The following ARHGAP10 variants were observed in gnomAD, a reference collection of about 807,000 sequenced individuals.
The protein encoded by ARHGAP10 is Rho GTPase activating protein 10, also known as rho GTPase-activating protein 10.
Under a neutral mutation model 108.6 loss-of-function variants are expected in ARHGAP10, and 87 were observed. The ratio of observed to expected loss-of-function variants is 0.80; its 90% CI spans 0.67 to 0.96. The LOEUF (loss-of-function observed/expected upper bound fraction) is 0.96. Among genes scored for constraint, ARHGAP10 ranks in the 40% least tolerant of loss-of-function variants. The probability of loss-of-function intolerance (pLI) is 0.00; values close to 1 mark genes in which losing one functional copy is unlikely to be tolerated. For synonymous variants in ARHGAP10, 347 were observed against 341.1 expected (o/e 1.02, Z -0.19); for missense variants, 939 against 954.5 (o/e 0.98, Z 0.21).
chr4:147,818,500 A>G (rs1204830881), intron 1 of ARHGAP10, among the ~76,000 whole-genome samples: 3 of 146,026 alleles, frequency 2.1e-5, no homozygotes, highest in African/African-American at 7.6e-5. Context: ...CGGGAGGCGG[A>G]GTTTGCGGTG....
At chr4:148,054,764 A>G (rs190125132) in intron 20 of ARHGAP10, among the ~76,000 whole-genome samples, 2 of 152,328 alleles carry the variant, frequency 1.3e-5, no homozygotes, top group African/African-American at 2.4e-5. Context: ...CTGAGACCCA[A>G]CCACATTTAT....
intron 20 of ARHGAP10, among the ~76,000 whole-genome samples, chr4:148,048,201 C>G (rs1268580675): frequency 6.6e-6 from 1 of 152,236 alleles, no homozygotes; most frequent in African/African-American, 2.4e-5. Context: ...TCATCTGACC[C>G]TAGCTGGGCA....
chr4:147,865,212 G>A, intron 6 of ARHGAP10: 1 of 329,302 alleles, frequency 3.0e-6, no homozygotes, highest in Non-Finnish European at 5.6e-6. Flanking sequence ...GCAACCATGT[G>A]CAATTTCTGC....
At chr4:147,832,646 CAA>C (rs776184630) in intron 3 of ARHGAP10, among the ~76,000 whole-genome samples, 6 of 63,512 alleles carry the variant, frequency 9.4e-5, no homozygotes, top group South Asian at 9.9e-4. Context: ...GACTCTGTCT[CAA>C]AAAAAAAAAA....
chr4:147,805,621 T>G (rs1731751908), intron 1 of ARHGAP10, among the ~76,000 whole-genome samples: 1 of 152,206 alleles, frequency 6.6e-6, no homozygotes, highest in African/African-American at 2.4e-5. Context: ...TTTAAAAAAC[T>G]AGTTCTTAGA....
chr4:147,824,436 A>G (rs1732623937), intron 3 of ARHGAP10, among the ~76,000 whole-genome samples: 2 of 152,134 alleles, frequency 1.3e-5, no homozygotes. Context: ...ATAATACTGG[A>G]CATATTAGCT....
intron 1 of ARHGAP10, among the ~76,000 whole-genome samples, chr4:147,757,209 T>TG (rs2126700199): frequency 6.7e-6 from 1 of 149,810 alleles, no homozygotes; most frequent in African/African-American, 2.5e-5. Context: ...TTTTTTTTTT[T>TG]TTTGAGACAG....
intron 12 of ARHGAP10, among the ~76,000 whole-genome samples, chr4:147,912,130 C>T (rs956327879): frequency 2.0e-5 from 3 of 151,498 alleles, no homozygotes; most frequent in African/African-American, 7.3e-5. Context: ...ATTTGTATCA[C>T]TTTCTTTTTG....
At chr4:147,862,950 A>G (rs1170278913) in intron 5 of ARHGAP10, 1 of 152,192 alleles carries the variant, frequency 6.6e-6, no homozygotes, top group African/African-American at 2.4e-5. Flanking sequence ...GATTCAGATG[A>G]GTGTTAGGTA....
At chr4:147,883,897 G>C (rs1479018402) in intron 10 of ARHGAP10, among the ~76,000 whole-genome samples, 2 of 152,026 alleles carry the variant, frequency 1.3e-5, no homozygotes, top group African/African-American at 4.8e-5. Flanking sequence ...GTTTTGCTAT[G>C]TTGGCCAGGC....
intron 1 of ARHGAP10, among the ~76,000 whole-genome samples, chr4:147,769,951 G>T (rs1488517099): frequency 6.6e-6 from 1 of 152,196 alleles, no homozygotes; most frequent in Non-Finnish European, 1.5e-5. Flanking sequence ...AATGTGGAGT[G>T]TTGAAAGATC....
intron 5 of ARHGAP10, chr4:147,858,528 T>C (rs1734188740): frequency 6.6e-6 from 1 of 152,260 alleles, no homozygotes; most frequent in Admixed American, 6.5e-5. Context: ...ATTATCCACA[T>C]GTGACTTTTT....
Position 147,922,411 on chromosome 4 carries a change from C to T in ARHGAP10, c.1228+9272C>T, listed in dbSNP as rs545905225. Among the ~76,000 whole-genome samples the T allele has an allele frequency of 1.5e-3, 224 of 151,824 alleles. 3 individuals are homozygous for T. The highest frequency in any genetic ancestry group is 5.0e-3 in the African/African-American group (207 of 41,390). ...CCTTTAAAAAAAAAAAAAAGTTGGC[C>T]GGGCGCGGTGGCTCACGCCTGTAAT... On this transcript the variant is annotated intron_variant, in intron 13 of 22. Transcript: ENST00000336498.
At chr4:147,918,133 A>ATTTTTTTTTT (rs760617123) in intron 13 of ARHGAP10, among the ~76,000 whole-genome samples, 14 of 129,978 alleles carry the variant, frequency 1.1e-4, no homozygotes, top group African/African-American at 3.5e-4. Flanking sequence ...TCTCATTAAG[A>ATTTTTTTTTT]TTTTTTTTTT....
chr4:147,763,993 G>T (rs1729693560), intron 1 of ARHGAP10, among the ~76,000 whole-genome samples: 1 of 152,114 alleles, frequency 6.6e-6, no homozygotes, highest in South Asian at 2.1e-4. Flanking sequence ...GACCTCGGGT[G>T]ATCTGCCTGC....
At chr4:147,790,353 T>C (rs930844575) in intron 1 of ARHGAP10, among the ~76,000 whole-genome samples, 7 of 152,206 alleles carry the variant, frequency 4.6e-5, no homozygotes, top group East Asian at 3.8e-4. Flanking sequence ...TTTCAACATA[T>C]GAATTTTGGG....
chr4:147,887,310 G>GAGGAGTTCCTC (rs1735610852), intron 10 of ARHGAP10, among the ~76,000 whole-genome samples: 1 of 151,968 alleles, frequency 6.6e-6, no homozygotes, highest in African/African-American at 2.4e-5. Flanking sequence ...CTCTGTTCAG[G>GAGGAGTTCCTC]TGTTTCCATT....
intron 8 of ARHGAP10, among the ~76,000 whole-genome samples, chr4:147,877,819 C>CTTTTTTTTTTTTTTTTTTTTTTT (rs549355620): frequency 1.3e-4 from 17 of 131,448 alleles, no homozygotes; most frequent in South Asian, 4.7e-4. Flanking sequence ...ATTCTTCATA[C>CTTTTTTTTTTTTTTTTTTTTTTT]TTTTTTTTTT....
intron 18 of ARHGAP10, among the ~76,000 whole-genome samples, chr4:148,005,788 A>G (rs1198182992): frequency 6.6e-6 from 1 of 152,262 alleles, no homozygotes; most frequent in East Asian, 1.9e-4. Flanking sequence ...AAAAACGTGA[A>G]GCAGTGAGAG....
Sources: gnomAD v4.1 joint callset for allele counts (sites outside exome capture counted in the v4.1 genomes callset) on GRCh38, gnomAD v4.1.1 for gene constraint, MANE v1.5 for transcripts, NCBI Gene and HGNC (gene_info 2026-07-23, HGNC 2026-07-21) for gene names.